IL7: variants seen among roughly 807,000 people sequenced by gnomAD.
IL7 encodes interleukin 7.
A neutral mutation model predicts 21.6 loss-of-function variants in IL7; 3 were observed. The observed-to-expected ratio is 0.14, with a 90% CI of 0.06 to 0.36. The LOEUF is 0.36. Among genes scored for constraint, IL7 ranks in the 10% least tolerant of loss-of-function variants. The probability of loss-of-function intolerance (pLI) is 1.00; values close to 1 mark genes in which losing one functional copy is unlikely to be tolerated. For synonymous variants in IL7, 62 were observed against 68.1 expected (o/e 0.91, Z 0.44); for missense variants, 175 against 200.2 (o/e 0.87, Z 0.76).
At chr8:78,802,234 A>G (rs1471132372) in intron 1 of IL7, among the ~76,000 whole-genome samples, 3 of 152,182 alleles carry the variant, frequency 2.0e-5, no homozygotes, top group Non-Finnish European at 4.4e-5. Flanking sequence ...TCTACAATCC[A>G]TCAACTCCAG....
chr8:78,717,333 A>T (rs761621155), downstream of IL7: 45 of 1,606,808 alleles, frequency 2.8e-5, no homozygotes, highest in Middle Eastern at 3.3e-4. Flanking sequence ...TTTAGGCCAG[A>T]TGGGGACTGT....
chr8:78,800,304 C>T (rs1814009515), intron 1 of IL7, among the ~76,000 whole-genome samples: 1 of 151,898 alleles, frequency 6.6e-6, no homozygotes, highest in African/African-American at 2.4e-5. Context: ...CTTTTTTTCT[C>T]CCTCTCTTTT....
At chr8:78,710,826 C>T (rs763068715) in intron 3 of IL7, among the ~76,000 whole-genome samples, 9 of 152,090 alleles carry the variant, frequency 5.9e-5, no homozygotes, top group East Asian at 5.8e-4. Flanking sequence ...TAAATCCTCA[C>T]GTAAACACCA....
intron 2 of IL7, among the ~76,000 whole-genome samples, chr8:78,740,446 T>A (rs1811739203): frequency 6.6e-6 from 1 of 152,196 alleles, no homozygotes; most frequent in Non-Finnish European, 1.5e-5. Context: ...TAAGAGGTTA[T>A]TCAGTCAAAT....
chr8:78,701,755 G>T (rs1810613270), intron 3 of IL7, among the ~76,000 whole-genome samples: 1 of 152,166 alleles, frequency 6.6e-6, no homozygotes, highest in African/African-American at 2.4e-5. Flanking sequence ...ATAATCATGT[G>T]CTTTTTGTCT....
chr8:78,709,032 A>G (rs533674151), intron 3 of IL7, among the ~76,000 whole-genome samples: 3 of 152,294 alleles, frequency 2.0e-5, no homozygotes, highest in East Asian at 1.9e-4. Flanking sequence ...TTTTAAATAA[A>G]TATTTCCCCA....
intron 5 of IL7, among the ~76,000 whole-genome samples, chr8:78,720,454 C>T (rs948490324): frequency 6.6e-6 from 1 of 151,564 alleles, no homozygotes; most frequent in Non-Finnish European, 1.5e-5. Context: ...CTCAATGCTC[C>T]TCATTTTAAA....
At chr8:78,732,126 G>T (rs1328768359), downstream of IL7, among the ~76,000 whole-genome samples, 1 of 152,030 alleles carries the variant, frequency 6.6e-6, no homozygotes, top group Admixed American at 6.6e-5. Context: ...ATGATGGAAG[G>T]AGCATAACCT....
intron 5 of IL7, 29 bp downstream of exon 5, chr8:78,736,445 C>A: frequency 1.4e-6 from 2 of 1,460,312 alleles, no homozygotes; most frequent in South Asian, 1.3e-5. Flanking sequence ...CCTGATGAAC[C>A]ATAAGGAAAA....
intron 2 of IL7, among the ~76,000 whole-genome samples, chr8:78,782,405 T>C (rs1813365204): frequency 6.6e-6 from 1 of 152,148 alleles, no homozygotes; most frequent in Non-Finnish European, 1.5e-5. Flanking sequence ...TGGGTGCCTT[T>C]TTGTTGATGC....
At chr8:78,714,278 A>T (rs145082126), downstream of IL7, among the ~76,000 whole-genome samples, 452 of 152,250 alleles carry the variant, frequency 3.0e-3, 4 homozygotes, top group Admixed American at 4.4e-3. Flanking sequence ...GGAGTTATGA[A>T]CGCTACCTAT....
At chr8:78,690,285 T>C (rs905469317) in intron 3 of IL7, among the ~76,000 whole-genome samples, 1 of 152,174 alleles carries the variant, frequency 6.6e-6, no homozygotes, top group East Asian at 1.9e-4. Context: ...GGCAGCCGGG[T>C]GCAGTGGCTC....
intron 2 of IL7, among the ~76,000 whole-genome samples, chr8:78,795,512 T>A (rs1222921771): frequency 1.3e-5 from 2 of 152,200 alleles, no homozygotes; most frequent in East Asian, 3.9e-4. Flanking sequence ...TACTTGTTCT[T>A]GTTTTGTGTG....
At chr8:78,719,160 C>T (rs1811189737) in intron 5 of IL7, 1 of 151,696 alleles carries the variant, frequency 6.6e-6, no homozygotes, top group South Asian at 2.1e-4. Flanking sequence ...CCATTTAAAT[C>T]ACTTCTGTTA....
chr8:78,694,850 C>T (rs6997255), intron 3 of IL7, among the ~76,000 whole-genome samples: 113,009 of 152,086 alleles, frequency 0.74, 43,047 homozygotes, highest in East Asian at 0.91. Flanking sequence ...GAAAGAAATA[C>T]GTTGAATGTA....
chr8:78,780,065 G>A (rs1050396704), intron 2 of IL7, among the ~76,000 whole-genome samples: 7 of 152,130 alleles, frequency 4.6e-5, no homozygotes, highest in African/African-American at 1.7e-4. Context: ...TTGTATTTCT[G>A]TGGGGTCAGT....
chr8:78,773,112 T>A (rs1395302831), intron 2 of IL7, among the ~76,000 whole-genome samples: 1 of 152,164 alleles, frequency 6.6e-6, no homozygotes, highest in Non-Finnish European at 1.5e-5. Flanking sequence ...CTAGTTCAGG[T>A]GGCTGGAGTC....
At chr8:78,765,056 C>T (rs963656007) in intron 2 of IL7, among the ~76,000 whole-genome samples, 7 of 151,966 alleles carry the variant, frequency 4.6e-5, no homozygotes, top group African/African-American at 1.4e-4. Flanking sequence ...TTTTGACAAA[C>T]GGGCAAAGGC....
chr8:78,752,138 G>A (rs1156338507), intron 2 of IL7, among the ~76,000 whole-genome samples: 1 of 152,154 alleles, frequency 6.6e-6, no homozygotes, highest in African/African-American at 2.4e-5. Flanking sequence ...ATTTCATTGA[G>A]TGTATATATA....
Sources: allele counts gnomAD v4.1 joint callset (sites outside exome capture counted in the v4.1 genomes callset), GRCh38; gene constraint gnomAD v4.1.1; transcripts MANE v1.5; gene names NCBI Gene and HGNC (gene_info 2026-07-23, HGNC 2026-07-21).